The following ZNF276 variants were observed in gnomAD, a reference collection of about 807,000 sequenced individuals.
ZNF276 encodes zinc finger protein 276.
ZNF276 carries 59 observed loss-of-function variants against 63.9 expected under a neutral mutation model. The ratio of observed to expected loss-of-function variants is 0.92; its 90% confidence interval spans 0.75 to 1.15. The LOEUF (loss-of-function observed/expected upper bound fraction) is 1.15, where lower values mean the gene tolerates loss of function less well. ZNF276 is among the 50% of genes most tolerant of loss of function. The probability of loss-of-function intolerance (pLI) is 0.00; values close to 1 mark genes in which losing one functional copy is unlikely to be tolerated. For missense variants in ZNF276, 1,084 were observed against 843.8 expected, an observed-to-expected ratio of 1.28 and a Z score of -3.53; for synonymous variants, 496 against 348.4, an observed-to-expected ratio of 1.42 and a Z score of -4.72.
At chr16:89,735,784 G>T (rs1303979144) in intron 9 of ZNF276, among the ~76,000 whole-genome samples, 2 of 151,984 alleles carry the variant, frequency 1.3e-5, no homozygotes, top group African/African-American at 4.8e-5. Flanking sequence ...GCGCGATCTT[G>T]GCTCACTGTA....
chr16:89,736,346 T>C (rs1217786903), intron 9 of ZNF276, among the ~76,000 whole-genome samples: 29 of 145,988 alleles, frequency 2.0e-4, no homozygotes, highest in South Asian at 2.3e-4. Context: ...TTTTTTTTTT[T>C]CCGGGACAGT....
chr16:89,737,504 G>A (rs972178774), intron 9 of ZNF276: 32 of 396,794 alleles, frequency 8.1e-5, no homozygotes, highest in Non-Finnish European at 1.3e-4. Context: ...CTGGGTAACA[G>A]AGCGAAACTC....
At position 89,724,932 on chromosome 16, in the gene ZNF276, T is replaced by TTATC. The variant is rs559868789; in HGVS notation, c.1006+1235_1006+1238dup. Reference sequence around the variant, plus strand: ...CCTATTTATCTATTTATTTACCTACTTATCTATCTATCTATGTGTTTATTT... The same window carrying TTATC: ...CCTATTTATCTATTTATTTACCTACTTATCTATCTATCTATCTATGTGTTTATTT... On this transcript the variant is annotated intron_variant, in intron 4 of 10. Coordinates refer to ENST00000443381, the MANE Select transcript of ZNF276 (RefSeq NM_001113525.2). 1.3e-4 allele frequency among the ~76,000 whole-genome samples: 20 copies of TTATC among 152,358 alleles called. No individual in the cohort carries two copies. The South Asian group carries it at 2.7e-3, about 20-fold the overall frequency.
At chr16:89,734,179 G>C (rs757122237) in intron 9 of ZNF276, 141 bp downstream of exon 9, 2 of 675,388 alleles carry the variant, frequency 3.0e-6, no homozygotes, top group African/African-American at 1.8e-5. Context: ...ACTCAGTCAC[G>C]TTGGTAGATG....
In ZNF276 at chr16:89,740,789, T is replaced by C; in HGVS notation, c.*2543T>C. ...CAGTGGGAGAGGACACCTTGGCTGGTAAGGTCTGACTTACATTTGAGGTCA... is the reference window on the plus strand; with the variant it reads ...CAGTGGGAGAGGACACCTTGGCTGGCAAGGTCTGACTTACATTTGAGGTCA... On this transcript the variant is annotated 3_prime_UTR_variant, in exon 11 of 11. Coordinates refer to ENST00000443381, the MANE Select transcript of ZNF276 (RefSeq NM_001113525.2). The C allele has an allele frequency of 1.2e-6, 2 of 1,612,202 alleles. No homozygotes were observed. The highest frequency in any genetic ancestry group is 1.7e-6 in the Non-Finnish European group (2 of 1,178,788).
At position 89,723,662 on chromosome 16, in the gene ZNF276, G is replaced by T. The variant is rs1187688802; in HGVS notation, c.959G>T (p.Arg320Met). The T allele has an allele frequency of 1.2e-6, 2 of 1,612,350 alleles. No individual in the cohort carries two copies. The highest frequency in any genetic ancestry group is 2.2e-5 in the South Asian group (2 of 91,072). Reference sequence around the variant, plus strand: ...TCGGACAGCGACGCGGTGGGGCCCAGGTCGGGCTTCCCACCTCAGCCAAGC... The same window carrying T: ...TCGGACAGCGACGCGGTGGGGCCCATGTCGGGCTTCCCACCTCAGCCAAGC... ...PPSDSDAVGP[R>M]SGFPPQPSLP... Residue 320 changes from arginine to methionine, a missense_variant, in exon 4 of 11, where the codon AGG (arginine) becomes ATG (methionine). Physicochemically the swap from Arg to Met is moderately conservative, Grantham distance 91. Coordinates refer to ENST00000443381, the MANE Select transcript of ZNF276 (RefSeq NM_001113525.2).
chr16:89,723,503 C>A lies in ZNF276; in HGVS notation c.800C>A (p.Thr267Lys). ...LAVKWPWDKE[T>K]APRLPQHRGW... ...GTCAAGTGGCCATGGGACAAAGAGA[C>A]GGCGCCACGGCTGCCCCAGCACCGA... The change falls in exon 4 of 11, where the codon ACG becomes AAG. Residue 267 changes from threonine to lysine, a missense_variant. By Grantham distance (78) the Thr-to-Lys change is moderately conservative. Coordinates refer to ENST00000443381, the MANE Select transcript of ZNF276 (RefSeq NM_001113525.2). 2 of 1,612,916 alleles carry A rather than the reference C, an allele frequency of 1.2e-6. No individual in the cohort carries two copies. Among genetic ancestry groups the A allele is most frequent in the Non-Finnish European group, 1.7e-6 (2 of 1,180,008 alleles).
In ZNF276 at chr16:89,738,441, G is replaced by T; in HGVS notation, c.*195G>T. 7.2e-7 allele frequency: 1 copy of T among 1,388,464 alleles called. No individual in the cohort carries two copies. The highest frequency in any genetic ancestry group is 9.8e-7 in the Non-Finnish European group (1 of 1,015,580). 86.0% of individuals were successfully genotyped at this position (1,388,464 alleles called of 1,614,324 possible). On this transcript the variant is annotated 3_prime_UTR_variant, in exon 11 of 11. Transcript: ENST00000443381. ...TGGTTTATTTTCCCGCAAACGCTGA[G>T]TGACTCGGGGCCGGACAGTTCATAA...
At chr16:89,732,396 T>C (rs1336711789) in intron 6 of ZNF276, 1 of 153,000 alleles carries the variant, frequency 6.5e-6, no homozygotes, top group African/African-American at 2.4e-5. Context: ...CCAGGGAGCA[T>C]CACCTGTTCC....
In ZNF276 at chr16:89,740,795, C is replaced by G; in HGVS notation, c.*2549C>G. ...GAGAGGACACCTTGGCTGGTAAGGT[C>G]TGACTTACATTTGAGGTCAGATGTG... On this transcript the variant is annotated 3_prime_UTR_variant, in exon 11 of 11. Transcript: ENST00000443381. The G allele has an allele frequency of 1.2e-6, 2 of 1,613,060 alleles. No individual in the cohort carries two copies. The highest frequency in any genetic ancestry group is 1.7e-5 in the Admixed American group (1 of 59,956).
In ZNF276 at chr16:89,738,212, C is replaced by T; in HGVS notation, c.1811C>T (p.Thr604Ile). 6.2e-7 allele frequency: 1 copy of T among 1,610,428 alleles called. No homozygotes were observed. The highest frequency in any genetic ancestry group is 8.5e-7 in the Non-Finnish European group (1 of 1,178,772). The change falls in exon 11 of 11, where the codon ACA becomes ATA. Residue 604 changes from threonine to isoleucine, a missense_variant. Thr to Ile is a moderately conservative substitution (Grantham distance 89). Transcript: ENST00000443381. ...PPGPPSPSVT[T>I]EGQAVKPEPT ...GGGCCACCGAGCCCCTCTGTGACCA[C>T]AGAGGGCCAGGCGGTGAAGCCCGAA...
chr16:89,729,180 G>T, intron 5 of ZNF276, 55 bp from the exon 6 acceptor site: 1 of 1,482,196 alleles, frequency 6.7e-7, no homozygotes, highest in Non-Finnish European at 9.4e-7. Flanking sequence ...GGTCGTGTTG[G>T]GTCTGTCACT....
Position 89,723,456 on chromosome 16 carries a change from C to T in ZNF276, c.753C>T (p.Phe251=), listed in dbSNP as rs772009546. 7.4e-6 allele frequency: 12 copies of T among 1,612,948 alleles called. 1 individual carries two copies. The highest frequency in any genetic ancestry group is 6.7e-5 in the African/African-American group (5 of 74,952). ...TMDTSSSCKA[F]LLDSALAVKW... Reference sequence around the variant, plus strand: ...ATACCAGCTCCAGCTGCAAGGCCTTCTTGCTGGACAGTGCGCTGGCAGTCA... The same window carrying T: ...ATACCAGCTCCAGCTGCAAGGCCTTTTTGCTGGACAGTGCGCTGGCAGTCA... The change falls in exon 4 of 11, where the codon TTC becomes TTT. Residue 251 remains phenylalanine (F), a synonymous_variant. Coordinates refer to ENST00000443381, the MANE Select transcript of ZNF276 (RefSeq NM_001113525.2).
chr16:89,730,810 G>T (rs2061622137), intron 6 of ZNF276, among the ~76,000 whole-genome samples: 1 of 152,192 alleles, frequency 6.6e-6, no homozygotes. Flanking sequence ...CCCGTGTGCT[G>T]CCTCCCAGTC....
chr16:89,720,540 G>C (rs1217169735), upstream of ZNF276: 2 of 1,170,144 alleles, frequency 1.7e-6, no homozygotes, highest in Non-Finnish European at 2.1e-6. Context: ...GGCTCAGCGA[G>C]CGGAGTGGAA....
rs1057480360 is a variant in ZNF276 at position 89,738,516 on chromosome 16, C to G, written c.*270C>G. 1.1e-5 allele frequency: 18 copies of G among 1,596,098 alleles called. No individual in the cohort carries two copies. The highest frequency in any genetic ancestry group is 4.0e-5 in the African/African-American group (3 of 74,540). Reference sequence around the variant, plus strand: ...AGCAGTCGAGGAGATTTGTAATCCACTTTTTAGTGCAACAAGAGCTCCATG... The same window carrying G: ...AGCAGTCGAGGAGATTTGTAATCCAGTTTTTAGTGCAACAAGAGCTCCATG... On this transcript the variant is annotated 3_prime_UTR_variant, in exon 11 of 11. Coordinates refer to ENST00000443381, the MANE Select transcript of ZNF276 (RefSeq NM_001113525.2).
At position 89,722,552 on chromosome 16, in the gene ZNF276, T is replaced by C. The variant is rs962461494; in HGVS notation, c.227T>C (p.Met76Thr). The stretch of plus-strand genomic sequence containing the variant: ...GCAGGAGCAGGCCGGGCTCTCGCCA[T>C]GGGTCACTGTCGCCTCTGCCACGGG... The part of the protein sequence containing the change: ...DEAGAGRALA[M>T]GHCRLCHGKF... Residue 76 changes from methionine (M) to threonine (T), a missense_variant, in exon 2 of 11, where the codon ATG (methionine) becomes ACG (threonine). Coordinates refer to ENST00000443381, the MANE Select transcript of ZNF276 (RefSeq NM_001113525.2). 3 of 1,612,102 alleles carry C rather than the reference T, an allele frequency of 1.9e-6. No homozygotes were observed. The highest frequency in any genetic ancestry group is 2.5e-6 in the Non-Finnish European group (3 of 1,179,818).
intron 9 of ZNF276, chr16:89,737,502 CAG>C (rs939151947): frequency 2.6e-6 from 1 of 383,798 alleles, no homozygotes; most frequent in Non-Finnish European, 4.7e-6. Flanking sequence ...GCCTGGGTAA[CAG>C]AGCGAAACTC....
At chr16:89,730,700 A>G (rs2061617474) in intron 6 of ZNF276, among the ~76,000 whole-genome samples, 1 of 152,152 alleles carries the variant, frequency 6.6e-6, no homozygotes, top group East Asian at 1.9e-4. Flanking sequence ...GGTAGCAAGC[A>G]TGGCCTCCTG....
Sources: gnomAD v4.1 joint callset for allele counts (sites outside exome capture counted in the v4.1 genomes callset) on GRCh38, gnomAD v4.1.1 for gene constraint, MANE v1.5 for transcripts, NCBI Gene and HGNC (gene_info 2026-07-23, HGNC 2026-07-21) for gene names.